The following MGAT5B variants were observed in gnomAD, a reference collection of about 807,000 sequenced individuals.
MGAT5B encodes the protein alpha-1,6-mannosylglycoprotein 6-beta-N-acetylglucosaminyltransferase B.
Under a neutral mutation model 95.1 loss-of-function variants are expected in MGAT5B, and 54 were observed. The ratio of observed to expected loss-of-function variants is 0.57; its 90% CI spans 0.46 to 0.71. MGAT5B has a LOEUF of 0.71. Among genes scored for constraint, MGAT5B ranks in the 30% least tolerant of loss-of-function variants. The pLI is 0.00. For missense variants in MGAT5B, 935 were observed against 1,088.6 expected (o/e 0.86, Z 1.99); for synonymous variants, 464 against 451.0 (o/e 1.03, Z -0.36).
At position 76,913,719 on chromosome 17, in the gene MGAT5B, G is replaced by T. The variant is rs773444524; in HGVS notation, c.1025+7532G>T. 2.8e-5 allele frequency: 14 copies of T among 509,040 alleles called. No individual in the cohort carries two copies. The Admixed American group carries it at 2.8e-4, about 10-fold the overall frequency. 31.5% of individuals were successfully genotyped at this position (509,040 alleles called of 1,614,324 possible). On this transcript the variant is annotated intron_variant, in intron 8 of 17. Transcript: ENST00000569840. ...GAGCAAGCCAGATGTGGAGTCATGG[G>T]TGCCTGTGAGAAGATGCTTCTAGAA...
intron 10 of MGAT5B, among the ~76,000 whole-genome samples, chr17:76,929,762 G>C (rs556168810): frequency 2.3e-4 from 35 of 152,180 alleles, no homozygotes; most frequent in Admixed American, 2.6e-4. Context: ...GAGCTAACTG[G>C]GGGGCTGCTG....
chr17:76,948,507 T>C, intron 17 of MGAT5B, 133 bp from the exon 18 acceptor site: 1 of 971,532 alleles, frequency 1.0e-6, no homozygotes, highest in Admixed American at 2.6e-5. Context: ...ACACATTTCC[T>C]TACCCAGGCT....
At position 76,891,442 on chromosome 17, in the gene MGAT5B, C is replaced by T. The variant is rs1324535477; in HGVS notation, c.329+9144C>T. The stretch of plus-strand genomic sequence containing the variant: ...TCAACCAGTCTGGAGTGTAGTGGTA[C>T]AATCTCGGCTCACTACAACCTCCGC... On this transcript the variant is annotated intron_variant, in intron 3 of 17. Transcript: ENST00000569840. Among the ~76,000 whole-genome samples the T allele has an allele frequency of 3.3e-5, 5 of 152,036 alleles. No individual in the cohort carries two copies. In the South Asian group the frequency reaches 6.2e-4, roughly 19 times the overall value.
At position 76,882,248 on chromosome 17, in the gene MGAT5B, C is replaced by T. The variant is rs868257951; in HGVS notation, c.279C>T (p.Asn93=). 3 of 1,613,632 alleles carry T rather than the reference C, an allele frequency of 1.9e-6. No homozygotes were observed. The highest frequency in any genetic ancestry group is 1.3e-5 in the African/African-American group (1 of 75,060). Residue 93 remains asparagine, a synonymous_variant, in exon 3 of 18, where the codon AAC becomes AAT. Transcript: ENST00000569840. ...KRMDALARLE[N]SSELHRAGGD... ...TGGACGCACTGGCCAGGCTGGAGAA[C>T]AGCAGTGAGCTGCACCGGGCCGGCG...
In MGAT5B at chr17:76,869,226, C is replaced by G. The variant is rs1241693096; in HGVS notation, c.68+129C>G. On this transcript the variant is annotated intron_variant, in intron 1 of 17. Coordinates refer to ENST00000569840, the MANE Select transcript of MGAT5B (RefSeq NM_001199172.2). The surrounding 1 kb of genome is among the most constrained non-coding windows in gnomAD (Gnocchi z 7.0). ...TTCACACTTCAACCCCTGGTGATGA[C>G]CAGTGGGGCTGGGCTGGGGGAACGG... 5 of 806,220 alleles carry G rather than the reference C, an allele frequency of 6.2e-6. No individual in the cohort carries two copies. Among genetic ancestry groups the G allele is most frequent in the Non-Finnish European group, 8.5e-6 (4 of 468,950 alleles). The allele number at this position is 806,220 out of a possible 1,614,324, so 49.9% of individuals were successfully genotyped here.
In MGAT5B at chr17:76,924,906, G is replaced by T. The variant is rs1260644045; in HGVS notation, c.1026-60G>T. 5.3e-5 allele frequency: 84 copies of T among 1,599,260 alleles called. 1 individual carries two copies. Among genetic ancestry groups the T allele is most frequent in the Non-Finnish European group, 6.8e-5 (80 of 1,171,368 alleles). The stretch of plus-strand genomic sequence containing the variant: ...TTCATTCTGGGCTCTAAGGAACTGG[G>T]GTGGCCGGTTGGGCAGGTGGGTTTC... On this transcript the variant is annotated intron_variant, in intron 8 of 17. Transcript: ENST00000569840.
At chr17:76,902,445 TG>T in intron 3 of MGAT5B, 109 bp from the exon 4 acceptor site, 2 of 733,642 alleles carry the variant, frequency 2.7e-6, no homozygotes, top group East Asian at 2.7e-5. Context: ...TTTGGGAGCC[TG>T]GGGCATTGCA....
Position 76,940,709 on chromosome 17 carries a change from T to G in MGAT5B, c.1732-23T>G, listed in dbSNP as rs1049639973. ...CCCACTGGCAGGCACGGGGGGCATC[T>G]GCAATCTCTGTACCCTTGCCAGGTG... On this transcript the variant is annotated intron_variant, in intron 14 of 17. Coordinates refer to ENST00000569840, the MANE Select transcript of MGAT5B (RefSeq NM_001199172.2). The surrounding 1 kb of genome is among the most constrained non-coding windows in gnomAD (Gnocchi z 4.3). The G allele has an allele frequency of 2.5e-6, 4 of 1,612,332 alleles. No individual in the cohort carries two copies. The highest frequency in any genetic ancestry group is 3.3e-5 in the Admixed American group (2 of 60,006).
intron 10 of MGAT5B, 94 bp downstream of exon 10, chr17:76,926,824 T>A: frequency 6.8e-7 from 1 of 1,461,986 alleles, no homozygotes; most frequent in Non-Finnish European, 9.4e-7. Context: ...CTCCTCCCTC[T>A]CTTTCCTTCT....
chr17:76,944,933 A>G (rs1969988540), intron 15 of MGAT5B, among the ~76,000 whole-genome samples: 1 of 152,208 alleles, frequency 6.6e-6, no homozygotes, highest in Non-Finnish European at 1.5e-5. Flanking sequence ...CTGGCTAAAG[A>G]CGGGAAAGCG....
intron 3 of MGAT5B, among the ~76,000 whole-genome samples, chr17:76,897,709 CTTTCTTTCTTTCTTTCTTTTTCTTTT>C (rs1968131292): frequency 1.1e-5 from 1 of 92,992 alleles, no homozygotes; most frequent in Admixed American, 1.2e-4. Flanking sequence ...TTCTTTCTTT[CTTTCTTTCTTTCTTTCTTTTTCTTTT>C]TTTTTTTTTT....
At chr17:76,908,951 C>T (rs965741092) in intron 8 of MGAT5B, among the ~76,000 whole-genome samples, 7 of 151,820 alleles carry the variant, frequency 4.6e-5, no homozygotes, top group Non-Finnish European at 1.0e-4. Flanking sequence ...GGATTACAGG[C>T]GGGTGCCACC....
At chr17:76,927,530 G>A (rs144034338) in intron 10 of MGAT5B, among the ~76,000 whole-genome samples, 2,308 of 152,318 alleles carry the variant, frequency 0.015, 40 homozygotes, top group African/African-American at 0.039. Flanking sequence ...GCAAGCCACC[G>A]TGCCCGGGTT....
At chr17:76,903,229 C>A in intron 4 of MGAT5B, 74 bp from the exon 5 acceptor site, 1 of 1,177,900 alleles carries the variant, frequency 8.5e-7, no homozygotes, top group Non-Finnish European at 1.2e-6. Context: ...GGGAAGCTGC[C>A]TCCCGCACGC....
At position 76,888,447 on chromosome 17, in the gene MGAT5B, T is replaced by C. The variant is rs144071586; in HGVS notation, c.329+6149T>C. 6.8e-3 allele frequency among the ~76,000 whole-genome samples: 1,035 copies of C among 152,294 alleles called. 8 individuals carry two copies. Among genetic ancestry groups the C allele is most frequent in the African/African-American group, 0.023 (975 of 41,564 alleles). On this transcript the variant is annotated intron_variant, in intron 3 of 17. Transcript: ENST00000569840. ...CCCGGTATGCGTGTCTGTAGGCACC[T>C]GTGTACGTGAGTCTCTGTGTTTTAA...
At chr17:76,931,545 A>G (rs923239867) in intron 10 of MGAT5B, among the ~76,000 whole-genome samples, 8 of 152,158 alleles carry the variant, frequency 5.3e-5, no homozygotes, top group African/African-American at 1.9e-4. Context: ...TTCTGTATGG[A>G]GAGGGGTTGT....
intron 3 of MGAT5B, among the ~76,000 whole-genome samples, chr17:76,899,252 G>A (rs1450287440): frequency 3.3e-5 from 5 of 152,138 alleles, no homozygotes; most frequent in Admixed American, 1.3e-4. Context: ...TCCATTTTGC[G>A]TGCCTCCTGT....
chr17:76,891,983 C>T (rs1357539694), intron 3 of MGAT5B, among the ~76,000 whole-genome samples: 2 of 152,130 alleles, frequency 1.3e-5, no homozygotes, highest in East Asian at 3.9e-4. Flanking sequence ...TGGAGTGTGT[C>T]CCCTGACCCC....
rs12603183 is a variant in MGAT5B, at chr17:76,916,871, G to C, written c.1026-8095G>C. Among the ~76,000 whole-genome samples, 3 of 152,060 alleles carry C rather than the reference G, an allele frequency of 2.0e-5. No homozygotes were observed. The highest frequency in any genetic ancestry group is 2.9e-5 in the Non-Finnish European group (2 of 68,014). ...AGTGGACGAGCTTCAGGAACCATCT[G>C]TCAGGGAGACTGGAAGGAGCCACCC... On this transcript the variant is annotated intron_variant, in intron 8 of 17. Coordinates refer to ENST00000569840, the MANE Select transcript of MGAT5B (RefSeq NM_001199172.2). The surrounding 1 kb of genome is among the most constrained non-coding windows in gnomAD (Gnocchi z 5.3).
Sources: allele counts gnomAD v4.1 joint callset (sites outside exome capture counted in the v4.1 genomes callset), GRCh38; gene constraint gnomAD v4.1.1; non-coding constraint Gnocchi (gnomAD v3.1); transcripts MANE v1.5; gene names NCBI Gene and HGNC (gene_info 2026-07-23, HGNC 2026-07-21).